Variants in PCDH9 observed in about 807,000 individuals in gnomAD.
The protein encoded by PCDH9 is protocadherin-9.
PCDH9 carries 24 observed loss-of-function variants against 70.6 expected under a neutral mutation model. The ratio of observed to expected loss-of-function variants is 0.34; its 90% CI spans 0.25 to 0.48. The LOEUF is 0.48. Among genes scored for constraint, PCDH9 ranks in the 20% least tolerant of loss-of-function variants. The pLI, the probability that PCDH9 is intolerant of heterozygous loss-of-function variation, is 0.99. For missense variants in PCDH9, 1,281 were observed against 1,503.6 expected (o/e 0.85, Z 2.45); for synonymous variants, 562 against 558.5 (o/e 1.01, Z -0.09).
chr13:67,139,770 C>T (rs1377594900), intron 2 of PCDH9, among the ~76,000 whole-genome samples: 2 of 152,160 alleles, frequency 1.3e-5, no homozygotes, highest in Non-Finnish European at 2.9e-5. Flanking sequence ...CAATCTGACT[C>T]TGCATATGAA....
intron 2 of PCDH9, among the ~76,000 whole-genome samples, chr13:67,186,790 G>T (rs1213835355): frequency 6.6e-6 from 1 of 151,804 alleles, no homozygotes; most frequent in East Asian, 1.9e-4. Flanking sequence ...ATATTGTTCT[G>T]CTATACCCTT....
At chr13:67,085,927 A>G (rs183947518) in intron 2 of PCDH9, among the ~76,000 whole-genome samples, 3 of 152,292 alleles carry the variant, frequency 2.0e-5, no homozygotes, top group East Asian at 3.9e-4. Context: ...CCGTCAAGTG[A>G]AAAACAAAAA....
chr13:66,682,089 C>T (rs900337255), intron 3 of PCDH9, among the ~76,000 whole-genome samples: 5 of 151,774 alleles, frequency 3.3e-5, no homozygotes, highest in Non-Finnish European at 5.9e-5. Flanking sequence ...ATTTATGACT[C>T]AAAGCCTGCA....
chr13:66,947,349 A>G (rs1353724491), intron 2 of PCDH9, among the ~76,000 whole-genome samples: 1 of 152,196 alleles, frequency 6.6e-6, no homozygotes, highest in Non-Finnish European at 1.5e-5. Flanking sequence ...CAGATACAGT[A>G]AGATTGTAGT....
chr13:67,127,864 G>T (rs1217414194), intron 2 of PCDH9, among the ~76,000 whole-genome samples: 3 of 151,908 alleles, frequency 2.0e-5, no homozygotes, highest in African/African-American at 7.3e-5. Flanking sequence ...AAGTTAATTT[G>T]CAAATCAGGT....
intron 4 of PCDH9, among the ~76,000 whole-genome samples, chr13:66,604,080 C>T (rs73194768): frequency 0.16 from 24,585 of 151,744 alleles, 2,171 homozygotes; most frequent in Middle Eastern, 0.22. Flanking sequence ...AATTTATATT[C>T]CAATATATAG....
chr13:66,774,589 GA>G (rs1403460631), intron 3 of PCDH9, among the ~76,000 whole-genome samples: 3 of 152,126 alleles, frequency 2.0e-5, no homozygotes, highest in African/African-American at 7.2e-5. Flanking sequence ...TTCTATAAAA[GA>G]AACCCATGTA....
intron 4 of PCDH9, among the ~76,000 whole-genome samples, chr13:66,462,061 C>T (rs1958434208): frequency 6.6e-6 from 1 of 151,702 alleles, no homozygotes; most frequent in African/African-American, 2.4e-5. Context: ...TAACTACAAA[C>T]ACTGTAAGCT....
chr13:67,109,473 T>C lies in PCDH9; in HGVS notation c.3036+115932A>G, dbSNP rs533510986. Among the ~76,000 whole-genome samples, 42 of 152,310 alleles carry C rather than the reference T, an allele frequency of 2.8e-4. No individual in the cohort carries two copies. The South Asian group carries it at 3.7e-3, about 14-fold the overall frequency. On this transcript the variant is annotated intron_variant, in intron 2 of 4. Coordinates refer to ENST00000377865, the MANE Select transcript of PCDH9 (RefSeq NM_203487.3). ...GTCTTCAATTGGTTTGCTTATAGAATCAGTCCAAATCCAAACATCTTCCCT... is the reference window on the plus strand; with the variant it reads ...GTCTTCAATTGGTTTGCTTATAGAACCAGTCCAAATCCAAACATCTTCCCT...
chr13:66,713,520 T>C (rs2078822716), intron 3 of PCDH9, among the ~76,000 whole-genome samples: 1 of 150,314 alleles, frequency 6.7e-6, no homozygotes, highest in Non-Finnish European at 1.5e-5. Context: ...TAAATTTCAA[T>C]ATTGCAACAT....
chr13:66,460,869 C>T (rs1958410566), intron 4 of PCDH9, among the ~76,000 whole-genome samples: 1 of 151,850 alleles, frequency 6.6e-6, no homozygotes, highest in Non-Finnish European at 1.5e-5. Context: ...GCAGAGATGA[C>T]AACACCAGAA....
chr13:66,535,606 CAT>C (rs1960664291), intron 4 of PCDH9, among the ~76,000 whole-genome samples: 28 of 152,010 alleles, frequency 1.8e-4, no homozygotes, highest in Admixed American at 1.3e-3. Flanking sequence ...TCCAGAATTT[CAT>C]ACTAAACTGG....
intron 2 of PCDH9, among the ~76,000 whole-genome samples, chr13:66,929,254 G>T (rs1333904228): frequency 1.3e-5 from 2 of 151,414 alleles, no homozygotes; most frequent in African/African-American, 2.4e-5. Flanking sequence ...ATTTTATTAT[G>T]ATATTCTTTC....
chr13:66,717,470 A>T (rs1222975915), intron 3 of PCDH9, among the ~76,000 whole-genome samples: 1 of 37,126 alleles, frequency 2.7e-5, no homozygotes, highest in Admixed American at 5.6e-4. Context: ...AAAAAAAAAA[A>T]AAAAAAAAAA....
intron 4 of PCDH9, among the ~76,000 whole-genome samples, chr13:66,395,432 C>A (rs752717756): frequency 2.1e-4 from 32 of 151,998 alleles, no homozygotes; most frequent in Non-Finnish European, 2.9e-4. Context: ...GAAACCCCGT[C>A]TCTACCAAAA....
At chr13:66,426,553 A>G (rs1468286331) in intron 4 of PCDH9, among the ~76,000 whole-genome samples, 5 of 150,772 alleles carry the variant, frequency 3.3e-5, no homozygotes. Context: ...TTAGAAATTC[A>G]TATGTTAAGG....
chr13:66,625,811 C>T (rs1285524199), intron 4 of PCDH9, among the ~76,000 whole-genome samples: 1 of 151,956 alleles, frequency 6.6e-6, no homozygotes, highest in African/African-American at 2.4e-5. Context: ...CAGGCACGCA[C>T]CACCACACCT....
chr13:66,617,205 C>T (rs1346555888), intron 4 of PCDH9, among the ~76,000 whole-genome samples: 1 of 152,144 alleles, frequency 6.6e-6, no homozygotes, highest in Non-Finnish European at 1.5e-5. Flanking sequence ...CTTTTGCACT[C>T]ATGGTGGCAC....
chr13:67,219,731 T>G (rs182333380), intron 2 of PCDH9: 1 of 152,038 alleles, frequency 6.6e-6, no homozygotes, highest in African/African-American at 2.4e-5. Context: ...AAATGTGAAG[T>G]TGAGTGTCAG....
Sources: allele counts gnomAD v4.1 joint callset (sites outside exome capture counted in the v4.1 genomes callset), GRCh38; gene constraint gnomAD v4.1.1; transcripts MANE v1.5; gene names NCBI Gene and HGNC (gene_info 2026-07-23, HGNC 2026-07-21).